SEMA6C: variants seen among roughly 807,000 people sequenced by gnomAD.
The protein encoded by SEMA6C is semaphorin 6C.
Under a neutral mutation model 72.9 loss-of-function variants are expected in SEMA6C, and 37 were observed. The ratio of observed to expected loss-of-function variants is 0.51; its 90% CI spans 0.39 to 0.67. The LOEUF (loss-of-function observed/expected upper bound fraction) is 0.67, where lower values mean the gene tolerates loss of function less well. SEMA6C is among the 30% of genes least tolerant of loss of function. The pLI is 0.00. For missense variants in SEMA6C, 1,189 were observed against 1,263.6 expected (o/e 0.94, Z 0.89); for synonymous variants, 578 against 554.1 (o/e 1.04, Z -0.61).
rs377095094 is a variant in SEMA6C, at chr1:151,132,601, G to A, written c.2676C>T (p.Tyr892=). The part of the protein sequence containing the change: ...HLLYLGRPEG[Y]RGRALKRVDV... ...CCACCCTTTTCAGGGCGCGGCCCCGGTAGCCCTCGGGCCGGCCCAGGTACA... is the reference window on the plus strand; with the variant it reads ...CCACCCTTTTCAGGGCGCGGCCCCGATAGCCCTCGGGCCGGCCCAGGTACA... The change falls in exon 19 of 19, where the codon TAC becomes TAT. Residue 892 remains tyrosine (Y), a synonymous_variant. Transcript: ENST00000368914. 3 of 1,551,238 alleles carry A rather than the reference G, an allele frequency of 1.9e-6. No homozygotes were observed. The highest frequency in any genetic ancestry group is 1.2e-5 in the South Asian group (1 of 84,146).
chr1:151,134,568 A>G lies in SEMA6C; in HGVS notation c.1714+52T>C, dbSNP rs57350253. The G allele has an allele frequency of 6.2e-3, 10,032 of 1,610,710 alleles. 472 individuals carry two copies. The African/African-American group carries it at 0.11, about 18-fold the overall frequency. On this transcript the variant is annotated intron_variant, in intron 17 of 18. Coordinates refer to ENST00000368914, the MANE Select transcript of SEMA6C (RefSeq NM_030913.6). ...CAAGCCTGGGATGGTGTCTGTGGCCATCATGGCCATGTGCAGCTTTGGCTG... is the reference window on the plus strand; with the variant it reads ...CAAGCCTGGGATGGTGTCTGTGGCCGTCATGGCCATGTGCAGCTTTGGCTG...
In SEMA6C at chr1:151,142,550, G is replaced by A. The variant is rs759860552; in HGVS notation, c.72C>T (p.Ala24=). Residue 24 remains alanine, a synonymous_variant, in exon 3 of 19, where the codon GCC becomes GCT. Transcript: ENST00000368914. The part of the protein sequence containing the change: ...LLLLSLPHTQ[A]AFPQDPLPLL... The stretch of plus-strand genomic sequence containing the variant: ...GAGGGAGGGGGTCCTGGGGAAAGGC[G>A]GCCTGAGTATGGGGAAGTGAGAGCA... The A allele has an allele frequency of 4.3e-6, 7 of 1,612,390 alleles. No individual in the cohort carries two copies. The highest frequency in any genetic ancestry group is 3.3e-5 in the South Asian group (3 of 90,700).
chr1:151,135,264 C>T lies in SEMA6C; in HGVS notation c.1479G>A (p.Gly493=). ...RTAQTARRII[G]LELDTEGHRL... is the part of the protein sequence containing the mutation. The stretch of plus-strand genomic sequence containing the variant: ...TGTGACCCTCAGTGTCCAGCTCCAG[C>T]CCTATGATCCGTCGTGCTGTTTGGG... Residue 493 remains glycine (G), a synonymous_variant, in exon 15 of 19, where the codon GGG becomes GGA. Transcript: ENST00000368914. 1 of 1,614,220 alleles carries T rather than the reference C, an allele frequency of 6.2e-7. No individual in the cohort carries two copies. The highest frequency in any genetic ancestry group is 1.1e-5 in the South Asian group (1 of 91,090).
intron 6 of SEMA6C, 106 bp downstream of exon 6, chr1:151,139,319 A>G: frequency 3.2e-6 from 3 of 931,426 alleles, no homozygotes; most frequent in Non-Finnish European, 5.3e-6. Flanking sequence ...GTGGCCTGGG[A>G]TGGAAAAAGT....
chr1:151,139,771 AG>A, intron 4 of SEMA6C, 70 bp from the exon 5 acceptor site: 2 of 1,451,236 alleles, frequency 1.4e-6, no homozygotes, highest in South Asian at 2.6e-5. Flanking sequence ...TCAGCTGTTC[AG>A]GGACAAACAG....
intron 18 of SEMA6C, 107 bp downstream of exon 18, chr1:151,134,293 TC>T (rs1681828892): frequency 1.3e-5 from 15 of 1,135,806 alleles, no homozygotes; most frequent in Non-Finnish European, 1.9e-5. Context: ...CCGACCCTTT[TC>T]CGATACTCCC....
Position 151,132,090 on chromosome 1 carries a change from T to TGTC in SEMA6C, c.*393_*394insGAC, listed in dbSNP as rs1317640670. ...GGCTGTATTGGGAAGCGGAGGCTCC[T>TGTC]ACACAGTAGGAGAGGCACGTCCCAG... On this transcript the variant is annotated 3_prime_UTR_variant, in exon 19 of 19. Coordinates refer to ENST00000368914, the MANE Select transcript of SEMA6C (RefSeq NM_030913.6). 2.7e-6 allele frequency: 2 copies of TGTC among 743,174 alleles called. No homozygotes were observed. The highest frequency in any genetic ancestry group is 3.8e-6 in the Non-Finnish European group (2 of 529,220). The allele number at this position is 743,174 out of a possible 1,614,324, so 46.0% of individuals were successfully genotyped here. A position where few individuals can be genotyped will look rare whatever the true frequency, so the allele number is the denominator to read the frequency against.
chr1:151,141,133 C>T (rs1194347694), intron 3 of SEMA6C, among the ~76,000 whole-genome samples: 1 of 152,094 alleles, frequency 6.6e-6, no homozygotes, highest in African/African-American at 2.4e-5. Flanking sequence ...ACTCTAAATC[C>T]TACAAATATA....
chr1:151,144,340 C>A (rs1682786380), intron 2 of SEMA6C, 45 bp downstream of exon 2: 1 of 152,938 alleles, frequency 6.5e-6, no homozygotes. Flanking sequence ...CCTGCTCATG[C>A]CTGCTTCCAC....
At chr1:151,138,521 T>C in intron 7 of SEMA6C, 109 bp downstream of exon 7, 3 of 1,419,312 alleles carry the variant, frequency 2.1e-6, no homozygotes, top group South Asian at 1.2e-5. Context: ...CCTTGCATTC[T>C]GGGCACTCCC....
chr1:151,136,514 A>G lies in SEMA6C; in HGVS notation c.1040T>C (p.Phe347Ser). The change falls in exon 12 of 19, where the codon TTC (phenylalanine) becomes TCC (serine). Residue 347 changes from phenylalanine (F) to serine (S), a missense_variant. This residue lies in a region of SEMA6C where 468 missense variants were observed against 577.4 expected (regional missense o/e 0.81). Transcript: ENST00000368914. ...DEIERGFEGK[F>S]KEQRSLDGAW... ...CCCATCCAGACTCCTCTGCTCCTTG[A>G]ACTTGCCCTCAAACCCACGCTCAAT... 6.2e-7 allele frequency: 1 copy of G among 1,614,028 alleles called. No homozygotes were observed. The highest frequency in any genetic ancestry group is 8.5e-7 in the Non-Finnish European group (1 of 1,179,992).
At chr1:151,141,993 T>C (rs1682592256) in intron 3 of SEMA6C, among the ~76,000 whole-genome samples, 1 of 151,884 alleles carries the variant, frequency 6.6e-6, no homozygotes, top group Non-Finnish European at 1.5e-5. Context: ...GTGAGCAGCT[T>C]GGCAGGGATT....
intron 17 of SEMA6C, 27 bp from the exon 18 acceptor site, chr1:151,134,472 G>C (rs760904803): frequency 1.2e-6 from 2 of 1,608,060 alleles, no homozygotes; most frequent in East Asian, 4.5e-5. Context: ...GGGTGAAGAT[G>C]GGGGGAAAGA....
At position 151,136,483 on chromosome 1, in the gene SEMA6C, C is replaced by G; in HGVS notation, c.1071G>C (p.Trp357Cys). Residue 357 changes from tryptophan (W) to cysteine (C), a missense_variant, in exon 12 of 19, where the codon TGG becomes TGC. By Grantham distance (215) the Trp-to-Cys change is radical (BLOSUM62 -2). Coordinates refer to ENST00000368914, the MANE Select transcript of SEMA6C (RefSeq NM_030913.6). ...FKEQRSLDGAWTPVSEDRVPS... is the reference protein window; with the variant it reads ...FKEQRSLDGACTPVSEDRVPS... Reference sequence around the variant, plus strand: ...GAACTCTGTCCTCAGACACAGGAGTCCAGGCCCCATCCAGACTCCTCTGCT... The same window carrying G: ...GAACTCTGTCCTCAGACACAGGAGTGCAGGCCCCATCCAGACTCCTCTGCT... The G allele has an allele frequency of 6.2e-7, 1 of 1,614,084 alleles. No individual in the cohort carries two copies. Among genetic ancestry groups the G allele is most frequent in the Non-Finnish European group, 8.5e-7 (1 of 1,180,018 alleles).
Position 151,133,084 on chromosome 1 carries a change from A to G in SEMA6C, c.2193T>C (p.Gly731=), listed in dbSNP as rs777956376. 3.2e-6 allele frequency: 5 copies of G among 1,545,216 alleles called. No individual in the cohort carries two copies. The African/African-American group carries it at 7.2e-5, about 22-fold the overall frequency. Residue 731 remains glycine (G), a synonymous_variant, in exon 19 of 19, where the codon GGT becomes GGC. Coordinates refer to ENST00000368914, the MANE Select transcript of SEMA6C (RefSeq NM_030913.6). The surrounding 1 kb of genome is among the most constrained non-coding windows in gnomAD (Gnocchi z 5.9). ...CGTGCCCGCCCCGTGAGCGGCCCGG[A>G]CCCTCCTTGGCGTTGTTCCTGTTCT... is the stretch of plus-strand genomic sequence containing the variant. ...WNQNRNNAKE[G]PGRSRGGHAA...
chr1:151,132,363 C>G lies in SEMA6C; in HGVS notation c.*121G>C. On this transcript the variant is annotated 3_prime_UTR_variant, in exon 19 of 19. Transcript: ENST00000368914. ...AGGCGAAAAGGGGCCTCGGGAGACT[C>G]TGCGAGTCGGGAAGGCTGGAGGTGC... The G allele has an allele frequency of 6.5e-7, 1 of 1,534,706 alleles. No homozygotes were observed.
chr1:151,133,218 G>C lies in SEMA6C; in HGVS notation c.2059C>G (p.Pro687Ala). 6.3e-7 allele frequency: 1 copy of C among 1,577,468 alleles called. No individual in the cohort carries two copies. The highest frequency in any genetic ancestry group is 8.6e-7 in the Non-Finnish European group (1 of 1,168,596). The change falls in exon 19 of 19, where the codon CCG becomes GCG. Residue 687 changes from proline to alanine, a missense_variant. Physicochemically the swap from Pro to Ala is conservative, Grantham distance 27 (BLOSUM62 -1). This residue lies in a region of SEMA6C where 721 missense variants were observed against 686.2 expected (regional missense o/e 1.05). Transcript: ENST00000368914. This position sits in a 1 kb window ranked among gnomAD's most constrained non-coding sequence, Gnocchi z 5.9. ...PQLYTTFLPPPEGVPPPELAC... is the reference protein window; with the variant it reads ...PQLYTTFLPPAEGVPPPELAC... ...AGCTCCGGCGGGGGCACGCCCTCCG[G>C]AGGCGGCAGGAAGGTGGTGTAGAGC...
chr1:151,134,377 T>A, intron 18 of SEMA6C, 24 bp downstream of exon 18: 1 of 1,569,354 alleles, frequency 6.4e-7, no homozygotes, highest in Non-Finnish European at 8.6e-7. Context: ...CAAGGGAAGG[T>A]GAGGTTGGGA....
intron 18 of SEMA6C, 194 bp downstream of exon 18, chr1:151,134,207 G>T: frequency 1.3e-6 from 1 of 748,300 alleles, no homozygotes; most frequent in Non-Finnish European, 2.2e-6. Flanking sequence ...CATCATGCAG[G>T]ACATTGATTT....
Sources: allele counts gnomAD v4.1 joint callset (sites outside exome capture counted in the v4.1 genomes callset), GRCh38; gene constraint gnomAD v4.1.1; regional missense constraint gnomAD v4.1.1; non-coding constraint Gnocchi (gnomAD v3.1); transcripts MANE v1.5; gene names NCBI Gene and HGNC (gene_info 2026-07-23, HGNC 2026-07-21).